The following ACTN1 variants were observed in gnomAD, a reference collection of about 807,000 sequenced individuals.
ACTN1 encodes actinin alpha 1.
ACTN1 carries 30 observed loss-of-function variants against 119.6 expected under a neutral mutation model. The ratio of observed to expected loss-of-function variants is 0.25; its 90% CI spans 0.19 to 0.34. ACTN1 has a LOEUF of 0.34. Among genes scored for constraint, ACTN1 ranks in the 10% least tolerant of loss-of-function variants. ACTN1 has a pLI of 1.00. For missense variants in ACTN1, 764 were observed against 1,223.4 expected (o/e 0.62, Z 5.60); for synonymous variants, 429 against 472.6 (o/e 0.91, Z 1.20).
chr14:68,885,079 C>A lies in ACTN1; in HGVS notation c.1386-196G>T, dbSNP rs1594759426. Reference sequence around the variant, plus strand: ...TGGCAGAGAGGAGACCAAAGAAGACCCCTTTCCCAGTCATGGCTGGAGGTG... The same window carrying A: ...TGGCAGAGAGGAGACCAAAGAAGACACCTTTCCCAGTCATGGCTGGAGGTG... On this transcript the variant is annotated intron_variant, in intron 12 of 21. Transcript: ENST00000394419. The surrounding 1 kb of genome is among the most constrained non-coding windows in gnomAD (Gnocchi z 5.6). Among the ~76,000 whole-genome samples the A allele has an allele frequency of 6.6e-6, 1 of 152,184 alleles. No homozygotes were observed. The highest frequency in any genetic ancestry group is 1.9e-4 in the East Asian group (1 of 5,200).
chr14:68,885,511 C>T lies in ACTN1; in HGVS notation c.1299G>A (p.Leu433=), dbSNP rs1200913376. ...TCTCGAAGGCCTCATGCTTCTTGAG[C>T]AGGGCCTTGATCTCCGAGAGGGTGG... ...ETATLSEIKA[L]LKKHEAFESD... The change falls in exon 12 of 22, where the codon CTG becomes CTA. Residue 433 remains leucine, a synonymous_variant. Coordinates refer to ENST00000394419, the MANE Select transcript of ACTN1 (RefSeq NM_001130004.2). This position sits in a 1 kb window ranked among gnomAD's most constrained non-coding sequence, Gnocchi z 5.6. 8.1e-6 allele frequency: 13 copies of T among 1,614,146 alleles called. No individual in the cohort carries two copies. The highest frequency in any genetic ancestry group is 9.3e-6 in the Non-Finnish European group (11 of 1,180,014).
intron 3 of ACTN1, among the ~76,000 whole-genome samples, chr14:68,916,128 A>T (rs2034279808): frequency 1.3e-5 from 2 of 152,266 alleles, no homozygotes; most frequent in African/African-American, 4.8e-5. Context: ...AATTTCATAA[A>T]CAGTGTTTAA....
chr14:68,905,062 C>A (rs932186641), intron 6 of ACTN1, among the ~76,000 whole-genome samples: 1 of 152,228 alleles, frequency 6.6e-6, no homozygotes, highest in Non-Finnish European at 1.5e-5. Context: ...CACCATCCAT[C>A]CTGGCTTCTG....
At position 68,880,048 on chromosome 14, in the gene ACTN1, C is replaced by G. The variant is rs1456558462; in HGVS notation, c.2194G>C (p.Glu732Gln). ...TTIARTINEV[E>Q]NQILTRDAKG... ...GCATCCCGGGTCAGGATCTGGTTCT[C>G]TACCTCATTGATGGTCCTGGCGATG... The change falls in exon 18 of 22, where the codon GAG becomes CAG. Residue 732 changes from glutamate to glutamine, a missense_variant. Coordinates refer to ENST00000394419, the MANE Select transcript of ACTN1 (RefSeq NM_001130004.2). This position sits in a 1 kb window ranked among gnomAD's most constrained non-coding sequence, Gnocchi z 4.6. The G allele has an allele frequency of 6.2e-7, 1 of 1,614,098 alleles. No homozygotes were observed. Among genetic ancestry groups the G allele is most frequent in the Non-Finnish European group, 8.5e-7 (1 of 1,180,026 alleles).
intron 8 of ACTN1, among the ~76,000 whole-genome samples, chr14:68,899,385 ATACACACACCT>A (rs2033144215): frequency 2.4e-5 from 3 of 127,002 alleles, no homozygotes; most frequent in Admixed American, 2.3e-4. Flanking sequence ...CATACACCTC[ATACACACACCT>A]CACACACTAC....
chr14:68,941,186 A>G (rs1381546430), intron 1 of ACTN1, among the ~76,000 whole-genome samples: 1 of 152,358 alleles, frequency 6.6e-6, no homozygotes, highest in East Asian at 1.9e-4. Flanking sequence ...GACTGGCCCA[A>G]TGACAAAAGG....
Position 68,880,022 on chromosome 14 carries a change from G to A in ACTN1, c.2220C>T (p.Ala740=), listed in dbSNP as rs771726844. 2.5e-6 allele frequency: 4 copies of A among 1,614,184 alleles called. No individual in the cohort carries two copies. In the South Asian group the frequency reaches 3.3e-5, roughly 13 times the overall value. The stretch of plus-strand genomic sequence containing the variant: ...TCATCTGCTCCTGGCTGATGCCCTT[G>A]GCATCCCGGGTCAGGATCTGGTTCT... ...EVENQILTRD[A]KGISQEQMNE... The change falls in exon 18 of 22, where the codon GCC becomes GCT. Residue 740 remains alanine (A), a synonymous_variant. Coordinates refer to ENST00000394419, the MANE Select transcript of ACTN1 (RefSeq NM_001130004.2). The surrounding 1 kb of genome is among the most constrained non-coding windows in gnomAD (Gnocchi z 4.6).
chr14:68,979,157 G>T lies in ACTN1; in HGVS notation c.-101C>A, dbSNP rs1168902474. ...GGAGGGAGTAGGGCTGGGCTGGGCT[G>T]GGCTGGCGGGGCCGGGCTCGCTCCC... On this transcript the variant is annotated 5_prime_UTR_variant, in exon 1 of 22. Coordinates refer to ENST00000394419, the MANE Select transcript of ACTN1 (RefSeq NM_001130004.2). 3 of 708,982 alleles carry T rather than the reference G, an allele frequency of 4.2e-6. No homozygotes were observed. Among genetic ancestry groups the T allele is most frequent in the Non-Finnish European group, 4.5e-6 (2 of 441,660 alleles). The allele number at this position is 708,982 out of a possible 1,614,324, so 43.9% of individuals were successfully genotyped here.
intron 1 of ACTN1, among the ~76,000 whole-genome samples, chr14:68,957,920 AT>A (rs1470676616): frequency 6.6e-6 from 1 of 152,130 alleles, no homozygotes; most frequent in African/African-American, 2.4e-5. Context: ...CTTCCCTTCC[AT>A]TTTACCAAAC....
intron 11 of ACTN1, chr14:68,888,382 C>A: frequency 3.9e-6 from 1 of 258,538 alleles, no homozygotes; most frequent in Non-Finnish European, 7.5e-6. Flanking sequence ...TGAGCTGGAC[C>A]CGACAGAAGC....
At chr14:68,948,690 G>A (rs544209428) in intron 1 of ACTN1, among the ~76,000 whole-genome samples, 2 of 152,322 alleles carry the variant, frequency 1.3e-5, no homozygotes, top group South Asian at 4.1e-4. Flanking sequence ...AAAGCCAGGA[G>A]TTCTCCAATG....
rs535379338 is a variant in ACTN1, at chr14:68,880,782, G to A, written c.2133+28C>T. The A allele has an allele frequency of 4.8e-5, 77 of 1,609,072 alleles. No individual in the cohort carries two copies. Among genetic ancestry groups the A allele is most frequent in the East Asian group, 1.6e-4 (7 of 44,776 alleles). On this transcript the variant is annotated intron_variant, in intron 17 of 21. Coordinates refer to ENST00000394419, the MANE Select transcript of ACTN1 (RefSeq NM_001130004.2). The surrounding 1 kb of genome is among the most constrained non-coding windows in gnomAD (Gnocchi z 4.6). Reference sequence around the variant, plus strand: ...AGAGCAGAAGGGGCCACGGGCTCCCGAAGAGGAACAAGGCCAGCCCCACCC... The same window carrying A: ...AGAGCAGAAGGGGCCACGGGCTCCCAAAGAGGAACAAGGCCAGCCCCACCC...
rs1350205710 is a variant in ACTN1 at position 68,979,064 on chromosome 14, C to T, written c.-8G>A. The T allele has an allele frequency of 6.5e-7, 1 of 1,550,062 alleles. No homozygotes were observed. Among genetic ancestry groups the T allele is most frequent in the East Asian group, 2.7e-5 (1 of 36,442 alleles). On this transcript the variant is annotated 5_prime_UTR_variant, in exon 1 of 22. Transcript: ENST00000394419. ...AGAATCATAATGGTCCATGATGGTG[C>T]GCGCGTGCTAGGGTCTGGATTTCTT... is the stretch of plus-strand genomic sequence containing the variant.
chr14:68,944,916 G>A (rs1248260664), intron 1 of ACTN1, among the ~76,000 whole-genome samples: 7 of 148,774 alleles, frequency 4.7e-5, no homozygotes. Flanking sequence ...GGTAGCTGTA[G>A]GTCACCCTAT....
chr14:68,899,516 C>T (rs72733519), intron 8 of ACTN1, among the ~76,000 whole-genome samples: 3,652 of 150,986 alleles, frequency 0.024, 62 homozygotes, highest in Non-Finnish European at 0.036. Context: ...CACATCCATA[C>T]CATACACACA....
chr14:68,949,478 C>T (rs1043929332), intron 1 of ACTN1, among the ~76,000 whole-genome samples: 9 of 152,324 alleles, frequency 5.9e-5, no homozygotes, highest in African/African-American at 1.2e-4. Flanking sequence ...GCAGGCCTGG[C>T]GCTGGCAGGG....
chr14:68,902,481 T>G lies in ACTN1; in HGVS notation c.758A>C (p.Gln253Pro). 2.5e-6 allele frequency: 4 copies of G among 1,613,900 alleles called. No individual in the cohort carries two copies. Among genetic ancestry groups the G allele is most frequent in the Non-Finnish European group, 3.4e-6 (4 of 1,179,864 alleles). ...SSFYHAFSGA[Q>P]KAETAANRIC... ...GGAGCAGGGGGCCCCGGGTACCTTC[T>G]GGGCTCCAGAGAAGGCGTGGTAGAA... The change falls in exon 8 of 22, where the codon CAG becomes CCG. Residue 253 changes from glutamine to proline, a missense_variant. Coordinates refer to ENST00000394419, the MANE Select transcript of ACTN1 (RefSeq NM_001130004.2).
At chr14:68,938,359 T>C (rs1384384454) in intron 1 of ACTN1, among the ~76,000 whole-genome samples, 1 of 151,770 alleles carries the variant, frequency 6.6e-6, no homozygotes, top group African/African-American at 2.4e-5. Flanking sequence ...GGACTGGGGG[T>C]GCACCTTGGA....
chr14:68,889,127 C>T (rs988800577), intron 11 of ACTN1, among the ~76,000 whole-genome samples: 1 of 152,212 alleles, frequency 6.6e-6, no homozygotes, highest in African/African-American at 2.4e-5. Context: ...GCCTGTTCCC[C>T]ACCTCCAGCC....
Sources: allele counts gnomAD v4.1 joint callset (sites outside exome capture counted in the v4.1 genomes callset), GRCh38; gene constraint gnomAD v4.1.1; non-coding constraint Gnocchi (gnomAD v3.1); transcripts MANE v1.5; gene names NCBI Gene and HGNC (gene_info 2026-07-23, HGNC 2026-07-21).